The following TMEM51 variants were observed in gnomAD, a reference collection of about 807,000 sequenced individuals.
The protein encoded by TMEM51 is chromosome 1 open reading frame 72.
TMEM51 carries 8 observed loss-of-function variants against 13.6 expected under a neutral mutation model. The observed-to-expected ratio is 0.59, with a 90% confidence interval of 0.35 to 1.07. The LOEUF is 1.07. TMEM51 is among the 50% of genes least tolerant of loss of function. The probability of loss-of-function intolerance (pLI) is 0.02; values close to 1 mark genes in which losing one functional copy is unlikely to be tolerated. For synonymous variants in TMEM51, 147 were observed against 144.4 expected, an observed-to-expected ratio of 1.02 and a Z score of -0.13; for missense variants, 279 against 330.7, an observed-to-expected ratio of 0.84 and a Z score of 1.21.
rs544210755 is a variant in TMEM51 at position 15,219,514 on chromosome 1, A to C, written c.533A>C (p.Asp178Ala). The C allele has an allele frequency of 1.2e-6, 2 of 1,614,030 alleles. No individual in the cohort carries two copies. Among genetic ancestry groups the C allele is most frequent in the East Asian group, 2.2e-5 (1 of 44,878 alleles). The change falls in exon 4 of 4, where the codon GAC becomes GCC. Residue 178 changes from aspartate (D) to alanine (A), a missense_variant. Coordinates refer to ENST00000376008, the MANE Select transcript of TMEM51 (RefSeq NM_001136218.2). ...ACCACCCCCACATCCACCAGGGCTG[A>C]CGTGGAGGCCAGCCCTGGGAACCCC... is the stretch of plus-strand genomic sequence containing the variant. ...DETTPTSTRA[D>A]VEASPGNPPD...
intron 1 of TMEM51, among the ~76,000 whole-genome samples, chr1:15,167,098 C>T (rs951004169): frequency 3.3e-5 from 5 of 151,982 alleles, no homozygotes; most frequent in Non-Finnish European, 5.9e-5. Flanking sequence ...GAGGCCGAGG[C>T]GGGCAGATCA....
intron 1 of TMEM51, among the ~76,000 whole-genome samples, chr1:15,206,689 T>TGATTTCATGATAGCTGCTGCG (rs1553203518): frequency 6.6e-6 from 1 of 152,250 alleles, no homozygotes; most frequent in African/African-American, 2.4e-5. Flanking sequence ...CAGCTGCTGC[T>TGATTTCATGATAGCTGCTGCG]GATTTCATGA....
rs12043156 is a variant in TMEM51 at position 15,181,779 on chromosome 1, G to A, written c.-267+27825G>A. On this transcript the variant is annotated intron_variant, in intron 1 of 3. Coordinates refer to ENST00000376008, the MANE Select transcript of TMEM51 (RefSeq NM_001136218.2). ...TCTCAAGCTGCTCTGTTTTCTTTGG[G>A]TTGAAAACAAAAATAAAAGGTGAAC... Among the ~76,000 whole-genome samples the A allele has an allele frequency of 3.5e-4, 53 of 152,308 alleles. No individual in the cohort carries two copies. The East Asian group carries it at 9.8e-3, about 28-fold the overall frequency.
intron 1 of TMEM51, chr1:15,168,452 C>T: frequency 7.8e-7 from 1 of 1,283,894 alleles, no homozygotes. Flanking sequence ...GATACATCTG[C>T]AATTAGCTGT....
At chr1:15,178,449 G>A (rs1477313006) in intron 1 of TMEM51, among the ~76,000 whole-genome samples, 4 of 152,264 alleles carry the variant, frequency 2.6e-5, no homozygotes, top group Non-Finnish European at 4.4e-5. Context: ...GCCTTACCTC[G>A]CATTCTGATT....
At chr1:15,203,785 G>A (rs144112276) in intron 1 of TMEM51, among the ~76,000 whole-genome samples, 276 of 152,260 alleles carry the variant, frequency 1.8e-3, no homozygotes, top group Non-Finnish European at 3.2e-3. Flanking sequence ...CTCTGAGCTC[G>A]TCACTTATAA....
intron 1 of TMEM51, among the ~76,000 whole-genome samples, chr1:15,174,714 G>T (rs996556694): frequency 6.6e-5 from 10 of 152,116 alleles, no homozygotes; most frequent in Admixed American, 2.6e-4. Context: ...GAAGTTCTGG[G>T]GGGTGTAGTT....
intron 1 of TMEM51, among the ~76,000 whole-genome samples, chr1:15,198,896 G>A (rs1268724095): frequency 2.0e-5 from 3 of 152,224 alleles, no homozygotes; most frequent in African/African-American, 7.2e-5. Flanking sequence ...TCTCTCTGGT[G>A]CATTCCTCAG....
chr1:15,159,705 C>T (rs984588495), intron 1 of TMEM51, among the ~76,000 whole-genome samples: 5 of 152,260 alleles, frequency 3.3e-5, no homozygotes, highest in East Asian at 3.9e-4. Flanking sequence ...TACAGGCATG[C>T]GCCACCACAC....
chr1:15,157,178 G>A (rs1439749184), intron 1 of TMEM51, among the ~76,000 whole-genome samples: 1 of 152,134 alleles, frequency 6.6e-6, no homozygotes, highest in Non-Finnish European at 1.5e-5. Flanking sequence ...GCCCTCTGAG[G>A]GTCTCTGCTG....
chr1:15,166,492 G>A (rs975810497), intron 1 of TMEM51, among the ~76,000 whole-genome samples: 3 of 152,170 alleles, frequency 2.0e-5, no homozygotes, highest in Non-Finnish European at 4.4e-5. Context: ...GGCCAAGGCC[G>A]GTGGATCACT....
intron 1 of TMEM51, among the ~76,000 whole-genome samples, chr1:15,169,863 A>G (rs80034574): frequency 0.016 from 2,425 of 152,314 alleles, 71 homozygotes; most frequent in African/African-American, 0.052. Context: ...ACTATTTACT[A>G]TAATGTTTCT....
chr1:15,154,130 G>A (rs1460677541), intron 1 of TMEM51, among the ~76,000 whole-genome samples, 176 bp downstream of exon 1: 1 of 152,008 alleles, frequency 6.6e-6, no homozygotes, highest in Non-Finnish European at 1.5e-5. Context: ...CGCACCCTCT[G>A]CGGCCGCGCC....
At chr1:15,164,283 G>A in intron 1 of TMEM51, 2 of 441,680 alleles carry the variant, frequency 4.5e-6, no homozygotes, top group Non-Finnish European at 9.2e-6. Context: ...CATTGCATTT[G>A]GTCATCTTGT....
chr1:15,157,363 C>G (rs939735379), intron 1 of TMEM51, among the ~76,000 whole-genome samples: 1 of 152,172 alleles, frequency 6.6e-6, no homozygotes, highest in Non-Finnish European at 1.5e-5. Context: ...AGCTTCAGAT[C>G]TTAGAATATC....
intron 1 of TMEM51, among the ~76,000 whole-genome samples, chr1:15,202,117 G>A (rs1482120904): frequency 6.6e-6 from 1 of 152,196 alleles, no homozygotes; most frequent in Non-Finnish European, 1.5e-5. Flanking sequence ...AGCAATGTTA[G>A]AACAAGTGTA....
intron 1 of TMEM51, among the ~76,000 whole-genome samples, chr1:15,162,424 A>G (rs1642812390): frequency 6.6e-6 from 1 of 152,060 alleles, no homozygotes; most frequent in Admixed American, 6.5e-5. Flanking sequence ...CGGCCTCCCA[A>G]ATTGCTGGGA....
chr1:15,185,056 C>T (rs192757526), intron 1 of TMEM51, among the ~76,000 whole-genome samples: 1 of 151,996 alleles, frequency 6.6e-6, no homozygotes, highest in Non-Finnish European at 1.5e-5. Context: ...CTGACCCCCA[C>T]ACCCCAAAGA....
intron 1 of TMEM51, among the ~76,000 whole-genome samples, chr1:15,171,630 C>T (rs942979118): frequency 1.3e-5 from 2 of 152,240 alleles, no homozygotes; most frequent in African/African-American, 2.4e-5. Flanking sequence ...TCATGATGAC[C>T]TCTAAAGTGT....
Sources: gnomAD v4.1 joint callset for allele counts (sites outside exome capture counted in the v4.1 genomes callset) on GRCh38, gnomAD v4.1.1 for gene constraint, MANE v1.5 for transcripts, NCBI Gene and HGNC (gene_info 2026-07-23, HGNC 2026-07-21) for gene names.